TBC1D19: variants seen among roughly 807,000 people sequenced by gnomAD.
TBC1D19 encodes the protein TBC1 domain family, member 19.
TBC1D19 carries 60 observed loss-of-function variants against 89.0 expected under a neutral mutation model. That is an observed-to-expected ratio of 0.67 (90% confidence interval 0.55 to 0.84). The LOEUF (loss-of-function observed/expected upper bound fraction) is 0.84. Ranked by LOEUF, TBC1D19 falls within the 40% of genes least tolerant of loss-of-function variation. The probability of loss-of-function intolerance (pLI) is 0.00; values close to 1 mark genes in which losing one functional copy is unlikely to be tolerated. For synonymous variants in TBC1D19, 189 were observed against 199.7 expected (o/e 0.95, Z 0.45); for missense variants, 500 against 610.8 (o/e 0.82, Z 1.91).
the TBC1D19 span, among the ~76,000 whole-genome samples, chr4:26,761,854 C>T: frequency 6.6e-6 from 1 of 151,972 alleles, no homozygotes; most frequent in Non-Finnish European, 1.5e-5. Flanking sequence ...AGGATGGGCA[C>T]GGTGGCTCAC....
At chr4:26,830,959 T>C in the TBC1D19 span, among the ~76,000 whole-genome samples, 1 of 152,218 alleles carries the variant, frequency 6.6e-6, no homozygotes, top group African/African-American at 2.4e-5. Flanking sequence ...TTTAGATCTT[T>C]GCAGATACCC....
chr4:26,662,602 G>C (rs1745284121), intron 8 of TBC1D19, among the ~76,000 whole-genome samples: 1 of 152,160 alleles, frequency 6.6e-6, no homozygotes, highest in African/African-American at 2.4e-5. Flanking sequence ...GTGAATGAAA[G>C]AAGATCCCCA....
At chr4:26,742,972 G>C (rs1410066822) in intron 18 of TBC1D19, among the ~76,000 whole-genome samples, 1 of 152,076 alleles carries the variant, frequency 6.6e-6, no homozygotes, top group Non-Finnish European at 1.5e-5. Flanking sequence ...ATTTATCAGA[G>C]AATAACCTAT....
At chr4:26,854,971 A>G in the TBC1D19 span, among the ~76,000 whole-genome samples, 4 of 152,260 alleles carry the variant, frequency 2.6e-5, no homozygotes, top group African/African-American at 9.6e-5. Context: ...GACTGATGGG[A>G]GCCAAAAGTT....
At chr4:26,695,059 T>C (rs1270015387) in intron 13 of TBC1D19, among the ~76,000 whole-genome samples, 1 of 152,028 alleles carries the variant, frequency 6.6e-6, no homozygotes, top group Non-Finnish European at 1.5e-5. Flanking sequence ...CTTTGACGAG[T>C]TGAGAGAAGA....
chr4:26,641,641 A>G (rs1010602532), intron 7 of TBC1D19, among the ~76,000 whole-genome samples: 5 of 152,164 alleles, frequency 3.3e-5, no homozygotes, highest in African/African-American at 4.8e-5. Context: ...GAGCTAAAGA[A>G]GGATGTTCGA....
At chr4:26,631,116 A>T (rs1231151858) in intron 4 of TBC1D19, among the ~76,000 whole-genome samples, 1 of 152,046 alleles carries the variant, frequency 6.6e-6, no homozygotes, top group Non-Finnish European at 1.5e-5. Flanking sequence ...CCACCTTGAC[A>T]TAGTGTTATA....
chr4:26,701,654 T>C lies in TBC1D19; in HGVS notation c.954+13247T>C, dbSNP rs557593449. On this transcript the variant is annotated intron_variant, in intron 13 of 20. Coordinates refer to ENST00000264866, the MANE Select transcript of TBC1D19 (RefSeq NM_018317.4). Reference sequence around the variant, plus strand: ...ATATTTTACCATCATTTTATCGGGCTCTAGATTTCCTTAGATTTTAGTATA... The same window carrying C: ...ATATTTTACCATCATTTTATCGGGCCCTAGATTTCCTTAGATTTTAGTATA... 3.0e-3 allele frequency among the ~76,000 whole-genome samples: 459 copies of C among 152,300 alleles called. 3 individuals carry two copies. The highest frequency in any genetic ancestry group is 4.2e-3 in the Non-Finnish European group (284 of 68,016).
chr4:26,646,719 G>T (rs1743985490), intron 7 of TBC1D19, among the ~76,000 whole-genome samples: 1 of 152,118 alleles, frequency 6.6e-6, no homozygotes, highest in African/African-American at 2.4e-5. Context: ...AACACTGCAT[G>T]TTCTCACTCA....
At chr4:26,801,685 G>C in the TBC1D19 span, among the ~76,000 whole-genome samples, 1 of 151,952 alleles carries the variant, frequency 6.6e-6, no homozygotes, top group Admixed American at 6.6e-5. Flanking sequence ...TTATTTCATT[G>C]AACAGTGGTT....
At chr4:26,677,740 G>A (rs547099453) in intron 11 of TBC1D19, among the ~76,000 whole-genome samples, 54 of 152,244 alleles carry the variant, frequency 3.5e-4, no homozygotes, top group Admixed American at 8.5e-4. Flanking sequence ...TCTCATGATA[G>A]TGAGTGAGTT....
At chr4:26,792,178 T>C in the TBC1D19 span, among the ~76,000 whole-genome samples, 1 of 152,098 alleles carries the variant, frequency 6.6e-6, no homozygotes, top group African/African-American at 2.4e-5. Flanking sequence ...TTTTTTTTTT[T>C]ATCCTGGTTG....
chr4:26,717,901 A>C (rs1243923997), intron 13 of TBC1D19, 32 bp from the exon 14 acceptor site: 2 of 1,536,938 alleles, frequency 1.3e-6, no homozygotes, highest in Non-Finnish European at 9.0e-7. Context: ...AATAGTGCTT[A>C]ATTGCTATTT....
At chr4:26,720,861 A>G (rs1716927675) in intron 15 of TBC1D19, among the ~76,000 whole-genome samples, 2 of 152,110 alleles carry the variant, frequency 1.3e-5, no homozygotes, top group African/African-American at 4.8e-5. Flanking sequence ...TACCATGTGG[A>G]TAATAGATTA....
At chr4:26,750,472 T>C (rs1474107862) in intron 19 of TBC1D19, among the ~76,000 whole-genome samples, 1 of 152,186 alleles carries the variant, frequency 6.6e-6, no homozygotes, top group East Asian at 1.9e-4. Context: ...GAAAGAAATG[T>C]TGAATTAGAA....
chr4:26,850,552 A>AAAAAAAAAAAG, the TBC1D19 span, among the ~76,000 whole-genome samples: 1 of 150,512 alleles, frequency 6.6e-6, no homozygotes, highest in Non-Finnish European at 1.5e-5. Flanking sequence ...AAAAAAAAAA[A>AAAAAAAAAAAG]AAAAAAAAAA....
intron 1 of TBC1D19, among the ~76,000 whole-genome samples, chr4:26,608,716 T>C (rs1393602361): frequency 6.6e-6 from 1 of 152,118 alleles, no homozygotes; most frequent in African/African-American, 2.4e-5. Flanking sequence ...TTAGTACATT[T>C]GAATAATTAG....
chr4:26,818,483 T>C, the TBC1D19 span, among the ~76,000 whole-genome samples: 2 of 152,152 alleles, frequency 1.3e-5, no homozygotes, highest in Non-Finnish European at 2.9e-5. Flanking sequence ...CTCGAACTCC[T>C]GGGCTCAAAC....
the TBC1D19 span, among the ~76,000 whole-genome samples, chr4:26,802,648 G>A: frequency 6.6e-6 from 1 of 151,952 alleles, no homozygotes; most frequent in Admixed American, 6.6e-5. Flanking sequence ...GGTGCTAGAG[G>A]AATAAAGCAA....
Sources: gnomAD v4.1 joint callset for allele counts (sites outside exome capture counted in the v4.1 genomes callset) on GRCh38, gnomAD v4.1.1 for gene constraint, MANE v1.5 for transcripts, NCBI Gene and HGNC (gene_info 2026-07-23, HGNC 2026-07-21) for gene names.